CHAT: variants seen among roughly 807,000 people sequenced by gnomAD.
CHAT encodes acetyl CoA:choline O-acetyltransferase.
In CHAT, 61 loss-of-function variants were observed where a neutral mutation model predicts 76.9. The observed-to-expected ratio is 0.79, with a 90% CI of 0.65 to 0.98. The LOEUF (loss-of-function observed/expected upper bound fraction) is 0.98. Among genes scored for constraint, CHAT ranks in the 50% least tolerant of loss-of-function variants. CHAT has a pLI of 0.00. For missense variants in CHAT, 946 were observed against 986.9 expected, an observed-to-expected ratio of 0.96 and a Z score of 0.56; for synonymous variants, 407 against 397.4, an observed-to-expected ratio of 1.02 and a Z score of -0.29.
chr10:49,636,194 T>G (rs574439141), intron 7 of CHAT, among the ~76,000 whole-genome samples: 3 of 152,232 alleles, frequency 2.0e-5, no homozygotes, highest in Non-Finnish European at 4.4e-5. Context: ...CTTCTGGTAC[T>G]AGTTCAATAA....
intron 7 of CHAT, among the ~76,000 whole-genome samples, chr10:49,641,041 G>A (rs1333060245): frequency 6.6e-6 from 1 of 152,216 alleles, no homozygotes. Context: ...TTGGAGGCTG[G>A]AAGTCCAAGA....
upstream of CHAT, chr10:49,612,387 G>T: frequency 6.5e-7 from 1 of 1,530,320 alleles, no homozygotes; most frequent in Non-Finnish European, 8.8e-7. Context: ...GGTCAAGGGG[G>T]CTGCTCTGCA....
chr10:49,635,560 A>G (rs186843128), intron 7 of CHAT, among the ~76,000 whole-genome samples: 78 of 152,304 alleles, frequency 5.1e-4, no homozygotes, highest in African/African-American at 1.9e-3. Context: ...ATATATGTAT[A>G]ATCCAGTTTC....
intron 7 of CHAT, among the ~76,000 whole-genome samples, chr10:49,644,809 C>T (rs975377518): frequency 6.6e-6 from 1 of 152,150 alleles, no homozygotes; most frequent in South Asian, 2.1e-4. Context: ...CTGGGCAGAG[C>T]GAAGACCAGT....
intron 8 of CHAT, chr10:49,648,096 T>G: frequency 3.9e-6 from 1 of 255,128 alleles, no homozygotes; most frequent in East Asian, 1.0e-4. Flanking sequence ...AGAATGGGAG[T>G]AAAGATCCAG....
chr10:49,652,414 C>T (rs1395219740), intron 11 of CHAT, among the ~76,000 whole-genome samples: 3 of 152,148 alleles, frequency 2.0e-5, no homozygotes, highest in Admixed American at 6.5e-5. Flanking sequence ...ACCAGCAGCT[C>T]CCCCAGCTGA....
At chr10:49,614,942 G>A (rs1470349966) in intron 1 of CHAT, among the ~76,000 whole-genome samples, 1 of 152,230 alleles carries the variant, frequency 6.6e-6, no homozygotes, top group Non-Finnish European at 1.5e-5. Flanking sequence ...GACCTTCGGG[G>A]CAGAGCAGGC....
intron 5 of CHAT, among the ~76,000 whole-genome samples, chr10:49,624,718 AGGATGGATGGACGGATGGAT>A (rs914654885): frequency 2.0e-4 from 30 of 148,228 alleles, no homozygotes; most frequent in Non-Finnish European, 2.4e-4. Context: ...GAAGGAAGGA[AGGATGGATGGACGGATGGAT>A]GGATGGATGG....
chr10:49,610,672 C>T (rs1838264491), upstream of CHAT: 6 of 1,425,592 alleles, frequency 4.2e-6, no homozygotes, highest in Non-Finnish European at 4.6e-6. Context: ...GTGCCCTCGC[C>T]TCTGCACTGC....
intron 10 of CHAT, among the ~76,000 whole-genome samples, chr10:49,650,631 T>C (rs1004188212): frequency 6.6e-6 from 1 of 151,984 alleles, no homozygotes; most frequent in African/African-American, 2.4e-5. Flanking sequence ...CTGTGATGAG[T>C]GTCACTGTCC....
In CHAT at chr10:49,667,769, A is replaced by C. The variant is rs1026276151; in HGVS notation, c.*2723A>C. 4.6e-5 allele frequency among the ~76,000 whole-genome samples: 7 copies of C among 152,232 alleles called. No individual in the cohort carries two copies. Among genetic ancestry groups the C allele is most frequent in the Non-Finnish European group, 1.0e-4 (7 of 68,026 alleles). On this transcript the variant is annotated 3_prime_UTR_variant, in exon 15 of 15. Transcript: ENST00000337653. The stretch of plus-strand genomic sequence containing the variant: ...TAATATTTGAGTTCTATTTTTATAA[A>C]ATAGTTCTAGATTTATGGCAATATA...
At chr10:49,625,937 G>C (rs1447503391) in intron 6 of CHAT, among the ~76,000 whole-genome samples, 4 of 152,198 alleles carry the variant, frequency 2.6e-5, no homozygotes, top group Non-Finnish European at 5.9e-5. Context: ...CTGTACATCT[G>C]TTCTTTTCCA....
chr10:49,649,269 T>C (rs1839785305), intron 9 of CHAT, among the ~76,000 whole-genome samples: 1 of 152,104 alleles, frequency 6.6e-6, no homozygotes. Flanking sequence ...TGAAAAGAAA[T>C]AATGGGTTTT....
At chr10:49,628,929 T>C (rs995183976) in intron 7 of CHAT, among the ~76,000 whole-genome samples, 1 of 152,268 alleles carries the variant, frequency 6.6e-6, no homozygotes, top group African/African-American at 2.4e-5. Context: ...TAACAGCCAC[T>C]TGCATTTTCT....
chr10:49,649,649 GAA>G lies in CHAT; in HGVS notation c.1511+14_1511+15del. The G allele has an allele frequency of 6.2e-7, 1 of 1,613,576 alleles. No individual in the cohort carries two copies. The highest frequency in any genetic ancestry group is 1.1e-5 in the South Asian group (1 of 91,082). The stretch of plus-strand genomic sequence containing the variant: ...AAAAACTTCAACGGTAAGGATAACC[GAA>G]GTCTCCTTTGAGGGGTCCCCTAGGG... On this transcript the variant is annotated intron_variant, in intron 10 of 14. Coordinates refer to ENST00000337653, the MANE Select transcript of CHAT (RefSeq NM_020549.5).
At chr10:49,662,956 G>A (rs573641355) in intron 14 of CHAT, among the ~76,000 whole-genome samples, 174 bp downstream of exon 14, 9 of 152,342 alleles carry the variant, frequency 5.9e-5, no homozygotes, top group African/African-American at 2.2e-4. Context: ...TTACTGACCA[G>A]GCTTGGTGGC....
rs529897477 is a variant in CHAT at position 49,653,605 on chromosome 10, C to T, written c.1635-1490C>T. Among the ~76,000 whole-genome samples, 19 of 152,334 alleles carry T rather than the reference C, an allele frequency of 1.2e-4. No homozygotes were observed. The South Asian group carries it at 3.7e-3, about 30-fold the overall frequency. ...AGCCACTTTGAGTGTCTGTCCTGTCCGGACACCTTGGGGAAGGCCGATGTC... is the reference window on the plus strand; with the variant it reads ...AGCCACTTTGAGTGTCTGTCCTGTCTGGACACCTTGGGGAAGGCCGATGTC... On this transcript the variant is annotated intron_variant, in intron 11 of 14. Transcript: ENST00000337653.
At position 49,665,973 on chromosome 10, in the gene CHAT, GTTT is replaced by G. The variant is rs1292702570; in HGVS notation, c.*930_*932del. On this transcript the variant is annotated 3_prime_UTR_variant, in exon 15 of 15. Coordinates refer to ENST00000337653, the MANE Select transcript of CHAT (RefSeq NM_020549.5). ...AGGTGAAGAGAGATGGTTACTTTGG[GTTT>G]TTCCATTATCTGTTTTGTTTTAAGA... Among the ~76,000 whole-genome samples, 1 of 152,110 alleles carries G rather than the reference GTTT, an allele frequency of 6.6e-6. No individual in the cohort carries two copies. Among genetic ancestry groups the G allele is most frequent in the Non-Finnish European group, 1.5e-5 (1 of 68,024 alleles).
chr10:49,648,680 T>C, intron 9 of CHAT, 73 bp downstream of exon 9: 1 of 913,262 alleles, frequency 1.1e-6, no homozygotes, highest in Non-Finnish European at 1.8e-6. Context: ...TGTGTCAGTC[T>C]GGAAAGCGTC....
Sources: allele counts gnomAD v4.1 joint callset (sites outside exome capture counted in the v4.1 genomes callset), GRCh38; gene constraint gnomAD v4.1.1; transcripts MANE v1.5; gene names NCBI Gene and HGNC (gene_info 2026-07-23, HGNC 2026-07-21).